GALNT13: variants seen among roughly 807,000 people sequenced by gnomAD.
GALNT13 encodes the protein polypeptide N-acetylgalactosaminyltransferase 13.
Under a neutral mutation model 64.2 loss-of-function variants are expected in GALNT13, and 28 were observed. That is an observed-to-expected ratio of 0.44 (90% CI 0.32 to 0.60). The LOEUF is 0.60. Among genes scored for constraint, GALNT13 ranks in the 20% least tolerant of loss-of-function variants. GALNT13 has a pLI of 0.05. For synonymous variants in GALNT13, 214 were observed against 224.6 expected (o/e 0.95, Z 0.42); for missense variants, 577 against 669.8 (o/e 0.86, Z 1.53).
the GALNT13 span, among the ~76,000 whole-genome samples, chr2:153,496,779 G>T: frequency 2.8e-4 from 42 of 151,722 alleles, no homozygotes; most frequent in African/African-American, 9.9e-4. Flanking sequence ...TGAGGTCAGT[G>T]GTTCAAGACC....
chr2:153,828,436 C>A, the GALNT13 span, among the ~76,000 whole-genome samples: 1 of 152,192 alleles, frequency 6.6e-6, no homozygotes, highest in Non-Finnish European at 1.5e-5. Context: ...TCCACAGGCT[C>A]AATACCATGT....
At chr2:153,103,667 T>C in the GALNT13 span, among the ~76,000 whole-genome samples, 1 of 152,218 alleles carries the variant, frequency 6.6e-6, no homozygotes, top group Non-Finnish European at 1.5e-5. Flanking sequence ...TTAGCACTTT[T>C]CAGTATTTGA....
At chr2:154,007,288 T>C (rs1248594320) in intron 3 of GALNT13, among the ~76,000 whole-genome samples, 1 of 152,038 alleles carries the variant, frequency 6.6e-6, no homozygotes, top group Non-Finnish European at 1.5e-5. Flanking sequence ...TTGTCACCAA[T>C]CGTGTGAGCT....
At chr2:154,192,825 A>G (rs1686670795) in intron 4 of GALNT13, among the ~76,000 whole-genome samples, 1 of 152,228 alleles carries the variant, frequency 6.6e-6, no homozygotes, top group African/African-American at 2.4e-5. Context: ...TGTAGCTTGA[A>G]AAAGATGTTA....
intron 3 of GALNT13, among the ~76,000 whole-genome samples, chr2:153,965,813 CA>C: frequency 6.7e-6 from 1 of 150,274 alleles, no homozygotes; most frequent in East Asian, 2.0e-4. Context: ...AAAAAAAACC[CA>C]AAAACTAAAA....
the GALNT13 span, among the ~76,000 whole-genome samples, chr2:153,123,039 C>A: frequency 6.6e-6 from 1 of 151,674 alleles, no homozygotes; most frequent in South Asian, 2.1e-4. Flanking sequence ...AGGGGAGAAT[C>A]CCATGTGAAG....
the GALNT13 span, among the ~76,000 whole-genome samples, chr2:153,293,250 C>T: frequency 6.6e-6 from 1 of 152,092 alleles, no homozygotes; most frequent in Non-Finnish European, 1.5e-5. Context: ...GTGCACTTTG[C>T]AGACCTGAGT....
chr2:153,745,197 G>A, the GALNT13 span, among the ~76,000 whole-genome samples: 1 of 152,158 alleles, frequency 6.6e-6, no homozygotes. Flanking sequence ...ACCCAGTAAT[G>A]AGAATTGGGT....
chr2:153,868,185 CTG>C (rs533668094), upstream of GALNT13, among the ~76,000 whole-genome samples: 161 of 152,258 alleles, frequency 1.1e-3, no homozygotes, highest in Non-Finnish European at 4.7e-4. Flanking sequence ...TAGTAAATAA[CTG>C]TCATTCTGTA....
chr2:153,632,512 C>A, the GALNT13 span, among the ~76,000 whole-genome samples: 7 of 152,228 alleles, frequency 4.6e-5, no homozygotes, highest in Admixed American at 3.9e-4. Flanking sequence ...TGTGCTCCAC[C>A]TGTTCATCCT....
chr2:153,759,750 A>G, the GALNT13 span, among the ~76,000 whole-genome samples: 1 of 151,816 alleles, frequency 6.6e-6, no homozygotes, highest in Non-Finnish European at 1.5e-5. Flanking sequence ...ATTTATTTTC[A>G]TTTGGGATAT....
chr2:153,225,707 A>T, the GALNT13 span, among the ~76,000 whole-genome samples: 7 of 152,328 alleles, frequency 4.6e-5, no homozygotes, highest in East Asian at 1.3e-3. Context: ...TTTGAAATTT[A>T]AAAATAAAAA....
intron 4 of GALNT13, among the ~76,000 whole-genome samples, chr2:154,193,158 C>A (rs908767457): frequency 2.6e-5 from 4 of 152,174 alleles, no homozygotes; most frequent in Admixed American, 1.3e-4. Flanking sequence ...ATCCCTCTGG[C>A]TCTTTCTGAA....
chr2:154,145,100 C>CTATA (rs1553484442), intron 4 of GALNT13, among the ~76,000 whole-genome samples: 208 of 119,508 alleles, frequency 1.7e-3, no homozygotes, highest in East Asian at 7.8e-3. Flanking sequence ...ATCTATCTAT[C>CTATA]TATATATATA....
chr2:153,468,631 CAG>C, the GALNT13 span, among the ~76,000 whole-genome samples: 1 of 151,752 alleles, frequency 6.6e-6, no homozygotes, highest in African/African-American at 2.4e-5. Context: ...TGATATTTAC[CAG>C]AGTTTTTGCT....
At chr2:153,909,202 A>G (rs986390806) in intron 2 of GALNT13, among the ~76,000 whole-genome samples, 1 of 151,892 alleles carries the variant, frequency 6.6e-6, no homozygotes, top group African/African-American at 2.4e-5. Context: ...CTTGGCTGTC[A>G]TTGCCATATA....
chr2:154,063,864 G>A (rs1486128075), intron 3 of GALNT13, among the ~76,000 whole-genome samples: 1 of 151,980 alleles, frequency 6.6e-6, no homozygotes, highest in Admixed American at 6.6e-5. Flanking sequence ...TTCCTGCAGG[G>A]ACACCAAATT....
intron 3 of GALNT13, among the ~76,000 whole-genome samples, chr2:154,083,009 T>A (rs1361788263): frequency 6.6e-6 from 1 of 152,096 alleles, no homozygotes; most frequent in African/African-American, 2.4e-5. Context: ...GGAATGGTAT[T>A]ACCTAGGTTT....
the GALNT13 span, among the ~76,000 whole-genome samples, chr2:153,638,319 T>C: frequency 6.6e-6 from 1 of 152,114 alleles, no homozygotes; most frequent in Non-Finnish European, 1.5e-5. Flanking sequence ...ACAAAATTGC[T>C]TTGGATGCTC....
Sources: allele counts gnomAD v4.1 joint callset (sites outside exome capture counted in the v4.1 genomes callset), GRCh38; gene constraint gnomAD v4.1.1; transcripts MANE v1.5; gene names NCBI Gene and HGNC (gene_info 2026-07-23, HGNC 2026-07-21).